Variants in SI observed in about 807,000 individuals in gnomAD.
SI encodes sucrase-isomaltase.
Under a neutral mutation model 253.3 loss-of-function variants are expected in SI, and 235 were observed. The ratio of observed to expected loss-of-function variants is 0.93; its 90% CI spans 0.83 to 1.03. SI has a LOEUF of 1.03. Among genes scored for constraint, SI ranks in the 50% least tolerant of loss-of-function variants. SI has a pLI of 0.00. For missense variants in SI, 2,442 were observed against 2,211.1 expected (o/e 1.10, Z -2.09); for synonymous variants, 819 against 712.0 (o/e 1.15, Z -2.39).
At chr3:165,056,864 G>A (rs975815744) in intron 12 of SI, among the ~76,000 whole-genome samples, 6 of 152,036 alleles carry the variant, frequency 3.9e-5, no homozygotes, top group African/African-American at 1.4e-4. Flanking sequence ...TATGAATGAG[G>A]ATGGGCAAAA....
Position 165,065,249 on chromosome 3 carries a change from A to G in SI, c.807+12T>C, listed in dbSNP as rs1714176620. ...AGTGATTTTATTTATAACAAGAAAAATAATTTCTTACATCACCAGGAAGTT... is the reference window on the plus strand; with the variant it reads ...AGTGATTTTATTTATAACAAGAAAAGTAATTTCTTACATCACCAGGAAGTT... On this transcript the variant is annotated intron_variant, in intron 7 of 47. Coordinates refer to ENST00000264382, the MANE Select transcript of SI (RefSeq NM_001041.4). 2.6e-6 allele frequency: 4 copies of G among 1,554,280 alleles called. No homozygotes were observed. The highest frequency in any genetic ancestry group is 3.5e-6 in the Non-Finnish European group (4 of 1,128,904).
chr3:164,991,249 C>T (rs566300733), intron 44 of SI, 104 bp downstream of exon 44: 1 of 1,285,036 alleles, frequency 7.8e-7, no homozygotes, highest in African/African-American at 1.5e-5. Flanking sequence ...GGCTAATGTA[C>T]TAGCTTGGCG....
At chr3:165,077,298 A>G (rs995966460) in intron 1 of SI, among the ~76,000 whole-genome samples, 8 of 151,628 alleles carry the variant, frequency 5.3e-5, no homozygotes, top group African/African-American at 1.7e-4. Context: ...GTTCCTTACC[A>G]CTCTGAGGCA....
chr3:164,998,560 T>C lies in SI; in HGVS notation c.4520A>G (p.Asn1507Ser), dbSNP rs1439149771. The C allele has an allele frequency of 6.2e-7, 1 of 1,612,236 alleles. No individual in the cohort carries two copies. The highest frequency in any genetic ancestry group is 8.5e-7 in the Non-Finnish European group (1 of 1,178,694). ...WLGDNYARWD[N>S]MDKSIIGMME... ...CTTACCAATGATTGATTTGTCCATG[T>C]TGTCCCATCGTGCATAGTTGTCTCC... Residue 1507 changes from asparagine to serine, a missense_variant, in exon 38 of 48, where the codon AAC becomes AGC. Transcript: ENST00000264382.
rs1466292162 is a variant in SI, at chr3:164,991,557, T to G, written c.4984-80A>C. The stretch of plus-strand genomic sequence containing the variant: ...AACACTGGTAGTTGAGGATATACAT[T>G]TTAAAAAATCAAATGATACACTTTT... On this transcript the variant is annotated intron_variant, in intron 43 of 47. Transcript: ENST00000264382. The G allele has an allele frequency of 6.9e-6, 10 of 1,447,104 alleles. No homozygotes were observed. The African/African-American group carries it at 9.8e-5, about 14-fold the overall frequency. The allele number at this position is 1,447,104 out of a possible 1,614,324, so 89.6% of individuals were successfully genotyped here.
upstream of SI, among the ~76,000 whole-genome samples, chr3:165,082,005 A>T (rs573554978): frequency 3.9e-4 from 59 of 152,140 alleles, no homozygotes; most frequent in African/African-American, 1.3e-3. Flanking sequence ...AGATGCATAG[A>T]TAAATAAATA....
intron 37 of SI, among the ~76,000 whole-genome samples, chr3:165,000,597 G>T (rs149024751): frequency 6.6e-6 from 1 of 151,296 alleles, no homozygotes; most frequent in Middle Eastern, 3.4e-3. Flanking sequence ...TAAAATAAAT[G>T]AGGTATTTTC....
chr3:165,016,582 C>A (rs539933332), intron 31 of SI, among the ~76,000 whole-genome samples: 9 of 151,944 alleles, frequency 5.9e-5, no homozygotes, highest in African/African-American at 2.2e-4. Flanking sequence ...CTTGTAATAT[C>A]CATCAAAGTC....
chr3:164,994,371 G>A lies in SI; in HGVS notation c.4727C>T (p.Ala1576Val), dbSNP rs1199821043. The A allele has an allele frequency of 6.8e-6, 11 of 1,611,036 alleles. No homozygotes were observed. The highest frequency in any genetic ancestry group is 8.5e-6 in the Non-Finnish European group (10 of 1,177,850). ...QDPASWNETF[A>V]EMSRNILNIR... ...ATTTAGAATATTCCTTGACATTTCA[G>A]CAAAAGTTTCATTCCAGGAAGCGGG... Residue 1576 changes from alanine to valine, a missense_variant, in exon 41 of 48, where the codon GCT becomes GTT. Transcript: ENST00000264382.
rs145682108 is a variant in SI at position 164,982,485 on chromosome 3, T to C, written c.5248-75A>G. The C allele has an allele frequency of 7.2e-4, 756 of 1,052,454 alleles. 6 individuals carry two copies. The African/African-American group carries it at 8.9e-3, about 12-fold the overall frequency. 65.2% of individuals were successfully genotyped at this position (1,052,454 alleles called of 1,614,324 possible). ...ATTAAAACTTTAAAAATATGTCGGT[T>C]AACCAAAAATGTATTTCGTAGTATA... On this transcript the variant is annotated intron_variant, in intron 46 of 47. Transcript: ENST00000264382.
chr3:165,021,813 T>C (rs1433420473), intron 26 of SI, among the ~76,000 whole-genome samples: 1 of 151,602 alleles, frequency 6.6e-6, no homozygotes, highest in African/African-American at 2.4e-5. Context: ...ATTTCTTAAA[T>C]ACCACTAGGG....
In SI at chr3:164,982,784, T is replaced by C. The variant is rs186042353; in HGVS notation, c.5247+218A>G. On this transcript the variant is annotated intron_variant, in intron 46 of 47. Coordinates refer to ENST00000264382, the MANE Select transcript of SI (RefSeq NM_001041.4). Reference sequence around the variant, plus strand: ...GTGACCCTCTAGCCTCAGCCTCCTATGCAGCTGGGACTACAGTTGCATGCC... The same window carrying C: ...GTGACCCTCTAGCCTCAGCCTCCTACGCAGCTGGGACTACAGTTGCATGCC... Among the ~76,000 whole-genome samples the C allele has an allele frequency of 4.2e-3, 633 of 152,132 alleles. 2 individuals are homozygous for C. Among genetic ancestry groups the C allele is most frequent in the Admixed American group, 6.6e-3 (101 of 15,268 alleles).
intron 37 of SI, among the ~76,000 whole-genome samples, chr3:165,000,010 T>C (rs112977346): frequency 0.12 from 18,262 of 151,230 alleles, 1,172 homozygotes; most frequent in South Asian, 0.17. Flanking sequence ...TTACATATAT[T>C]TTTTTGAAAT....
chr3:165,088,505 G>A, the SI span, among the ~76,000 whole-genome samples: 1 of 151,928 alleles, frequency 6.6e-6, no homozygotes, highest in African/African-American at 2.4e-5. Context: ...TAGCTAGGCA[G>A]TGGTGTGTGC....
intron 28 of SI, among the ~76,000 whole-genome samples, chr3:165,018,348 A>G (rs1719144821): frequency 6.6e-6 from 1 of 150,732 alleles, no homozygotes; most frequent in Non-Finnish European, 1.5e-5. Context: ...TACAATATGT[A>G]ACAACTGCAA....
intron 25 of SI, among the ~76,000 whole-genome samples, chr3:165,024,519 TA>T (rs972244185): frequency 1.3e-5 from 2 of 151,158 alleles, no homozygotes; most frequent in African/African-American, 4.8e-5. Context: ...GAAAGGGGCC[TA>T]AGCTGACTAA....
intron 38 of SI, among the ~76,000 whole-genome samples, chr3:164,997,218 C>G (rs1359968328): frequency 6.6e-6 from 1 of 151,518 alleles, no homozygotes; most frequent in Non-Finnish European, 1.5e-5. Context: ...AAGGAGTAAT[C>G]AATTCTATAA....
At chr3:164,997,740 T>C (rs1202634026) in intron 38 of SI, among the ~76,000 whole-genome samples, 1 of 151,796 alleles carries the variant, frequency 6.6e-6, no homozygotes, top group Non-Finnish European at 1.5e-5. Context: ...GAATATGTGG[T>C]ATTTTGTTTT....
intron 31 of SI, among the ~76,000 whole-genome samples, chr3:165,016,880 C>G (rs1719057546): frequency 6.6e-6 from 1 of 151,796 alleles, no homozygotes; most frequent in Non-Finnish European, 1.5e-5. Flanking sequence ...ACTAGTTATT[C>G]AGGAACTCTA....
Sources: gnomAD v4.1 joint callset for allele counts (sites outside exome capture counted in the v4.1 genomes callset) on GRCh38, gnomAD v4.1.1 for gene constraint, MANE v1.5 for transcripts, NCBI Gene and HGNC (gene_info 2026-07-23, HGNC 2026-07-21) for gene names.